The following DOCK8 variants were observed in gnomAD, a reference collection of about 807,000 sequenced individuals.
DOCK8 encodes dedicator of cytokinesis protein 8.
DOCK8 carries 141 observed loss-of-function variants against 245.6 expected under a neutral mutation model. The observed-to-expected ratio is 0.57, with a 90% confidence interval of 0.50 to 0.66. The LOEUF is 0.66. Among genes scored for constraint, DOCK8 ranks in the 30% least tolerant of loss-of-function variants. DOCK8 has a pLI of 0.00. For synonymous variants in DOCK8, 1,168 were observed against 970.2 expected, an observed-to-expected ratio of 1.20 and a Z score of -3.79; for missense variants, 2,965 against 2,603.4, an observed-to-expected ratio of 1.14 and a Z score of -3.02.
intron 14 of DOCK8, among the ~76,000 whole-genome samples, chr9:341,950 A>C (rs1285555530): frequency 6.6e-6 from 1 of 152,196 alleles, no homozygotes; most frequent in Non-Finnish European, 1.5e-5. Context: ...CCTTATGAGA[A>C]TCTAATGCCT....
chr9:400,964 AC>A (rs2055030646), intron 26 of DOCK8, among the ~76,000 whole-genome samples: 1 of 111,536 alleles, frequency 9.0e-6, no homozygotes, highest in Non-Finnish European at 1.9e-5. Context: ...CACCACCACC[AC>A]CTCCTCCACC....
At chr9:225,009 C>T (rs1306633700) in intron 1 of DOCK8, among the ~76,000 whole-genome samples, 2 of 152,160 alleles carry the variant, frequency 1.3e-5, no homozygotes, top group Non-Finnish European at 2.9e-5. Context: ...TCTCACAGAT[C>T]CCCTTAGATG....
intron 8 of DOCK8, among the ~76,000 whole-genome samples, chr9:326,881 G>A (rs2050787819): frequency 1.3e-5 from 2 of 152,258 alleles, no homozygotes; most frequent in Non-Finnish European, 2.9e-5. Flanking sequence ...AAAGGAGGCT[G>A]GTAAATGTAG....
chr9:312,608 G>A, intron 6 of DOCK8: 1 of 361,676 alleles, frequency 2.8e-6, no homozygotes, highest in Non-Finnish European at 5.4e-6. Flanking sequence ...CAACCAGAGA[G>A]ACCTGCTTTG....
intron 2 of DOCK8, 38 bp from the exon 3 acceptor site, chr9:286,423 G>T (rs1320480073): frequency 6.2e-7 from 1 of 1,608,430 alleles, no homozygotes; most frequent in South Asian, 1.1e-5. Context: ...CCAGAAAACT[G>T]GGTGAGAACC....
chr9:234,630 A>T (rs570522690), intron 1 of DOCK8, among the ~76,000 whole-genome samples: 63 of 151,990 alleles, frequency 4.1e-4, no homozygotes, highest in Non-Finnish European at 8.2e-4. Context: ...TTCTCTTCTC[A>T]CTTCATTTCA....
intron 26 of DOCK8, among the ~76,000 whole-genome samples, chr9:400,337 C>T (rs1255393568): frequency 1.8e-4 from 14 of 79,252 alleles, no homozygotes; most frequent in Middle Eastern, 7.1e-3. Context: ...ACCACCACCT[C>T]CTCCACCACC....
chr9:273,076 C>T, intron 2 of DOCK8: 1 of 985,404 alleles, frequency 1.0e-6, no homozygotes, highest in Non-Finnish European at 1.2e-6. Flanking sequence ...AATTTACGCG[C>T]CGTGTAACTG....
At chr9:456,232 G>T (rs188894337) in intron 46 of DOCK8, 7 of 152,334 alleles carry the variant, frequency 4.6e-5, no homozygotes, top group Non-Finnish European at 1.0e-4. Context: ...AGGTTCCTCT[G>T]TTGCTTAATT....
At position 390,464 on chromosome 9, in the gene DOCK8, T is replaced by C. The variant is rs932541121; in HGVS notation, c.2875-7T>C. 4 of 1,613,738 alleles carry C rather than the reference T, an allele frequency of 2.5e-6. No individual in the cohort carries two copies. In the African/African-American group the frequency reaches 5.3e-5, roughly 22 times the overall value. Reference sequence around the variant, plus strand: ...TTCACAGCCTAATTTTTGTGGTTCTTATTTAGCATTTCCATGAGGAGCTTG... The same window carrying C: ...TTCACAGCCTAATTTTTGTGGTTCTCATTTAGCATTTCCATGAGGAGCTTG... On this transcript the variant is annotated splice_polypyrimidine_tract_variant and splice_region_variant and intron_variant, in intron 23 of 47. Coordinates refer to ENST00000432829, the MANE Select transcript of DOCK8 (RefSeq NM_203447.4).
chr9:250,699 A>C (rs989996489), intron 1 of DOCK8, among the ~76,000 whole-genome samples: 1 of 152,230 alleles, frequency 6.6e-6, no homozygotes, highest in Non-Finnish European at 1.5e-5. Flanking sequence ...GGATGATCAA[A>C]TAGTAGAGTT....
At chr9:285,740 G>A (rs1202505148) in intron 2 of DOCK8, among the ~76,000 whole-genome samples, 1 of 151,802 alleles carries the variant, frequency 6.6e-6, no homozygotes, top group Non-Finnish European at 1.5e-5. Context: ...CTTTCCAACT[G>A]TGGAAGGTAA....
chr9:326,076 A>C (rs2050754524), intron 8 of DOCK8, among the ~76,000 whole-genome samples: 1 of 152,186 alleles, frequency 6.6e-6, no homozygotes, highest in Non-Finnish European at 1.5e-5. Context: ...TCAGTTTGAG[A>C]GTTCTTTGCA....
chr9:400,185 CT>C (rs2054775183), intron 26 of DOCK8, among the ~76,000 whole-genome samples: 2 of 112,430 alleles, frequency 1.8e-5, no homozygotes, highest in Non-Finnish European at 3.8e-5. Context: ...TCACCACCTC[CT>C]TCACCATCAC....
At chr9:296,671 T>G (rs2049271750) in intron 4 of DOCK8, among the ~76,000 whole-genome samples, 1 of 152,216 alleles carries the variant, frequency 6.6e-6, no homozygotes, top group Non-Finnish European at 1.5e-5. Flanking sequence ...GTTTCCCTGA[T>G]CAATAATTGC....
chr9:359,450 TG>T (rs776609900), intron 14 of DOCK8, among the ~76,000 whole-genome samples: 6 of 152,220 alleles, frequency 3.9e-5, no homozygotes, highest in Non-Finnish European at 8.8e-5. Flanking sequence ...AGAGTAAGAA[TG>T]AAATAATGTT....
At chr9:251,700 A>G (rs1587665599) in intron 1 of DOCK8, among the ~76,000 whole-genome samples, 2 of 152,110 alleles carry the variant, frequency 1.3e-5, no homozygotes, top group African/African-American at 2.4e-5. Context: ...CCAAATTTGT[A>G]AAGTGAAGAT....
intron 24 of DOCK8, among the ~76,000 whole-genome samples, chr9:394,766 A>G (rs1040359977): frequency 2.0e-5 from 3 of 152,232 alleles, no homozygotes; most frequent in Admixed American, 6.5e-5. Context: ...ATAGGGGGAA[A>G]GATTTCTGTG....
intron 18 of DOCK8, among the ~76,000 whole-genome samples, chr9:375,357 A>C (rs193178840): frequency 6.6e-6 from 1 of 152,220 alleles, no homozygotes; most frequent in Non-Finnish European, 1.5e-5. Flanking sequence ...GAAGGTAATG[A>C]TATATAAACG....
Sources: allele counts gnomAD v4.1 joint callset (sites outside exome capture counted in the v4.1 genomes callset), GRCh38; gene constraint gnomAD v4.1.1; transcripts MANE v1.5; gene names NCBI Gene and HGNC (gene_info 2026-07-23, HGNC 2026-07-21).